The following INPP4B variants were observed in gnomAD, a reference collection of about 807,000 sequenced individuals.
The protein encoded by INPP4B is inositol polyphosphate 4-phosphatase type II.
Under a neutral mutation model 122.5 loss-of-function variants are expected in INPP4B, and 55 were observed. The observed-to-expected ratio is 0.45, with a 90% CI of 0.36 to 0.56. INPP4B has a LOEUF of 0.56. Ranked by LOEUF, INPP4B falls within the 20% of genes least tolerant of loss-of-function variation. The probability of loss-of-function intolerance (pLI) is 0.00; values close to 1 mark genes in which losing one functional copy is unlikely to be tolerated. For synonymous variants in INPP4B, 403 were observed against 388.7 expected (o/e 1.04, Z -0.43); for missense variants, 1,000 against 1,097.7 (o/e 0.91, Z 1.26).
At chr4:142,623,766 T>A (rs551369276) in intron 2 of INPP4B, among the ~76,000 whole-genome samples, 168 of 149,534 alleles carry the variant, frequency 1.1e-3, no homozygotes, top group African/African-American at 4.1e-3. Flanking sequence ...CCCCTTCCTG[T>A]GTCCATGTGT....
chr4:142,842,584 A>G (rs975589886), intron 1 of INPP4B, among the ~76,000 whole-genome samples: 5 of 140,340 alleles, frequency 3.6e-5, no homozygotes, highest in African/African-American at 1.3e-4. Flanking sequence ...TATATAAGAT[A>G]GTTATTGTAT....
At chr4:142,440,628 C>T (rs975077323) in intron 3 of INPP4B, among the ~76,000 whole-genome samples, 1 of 152,118 alleles carries the variant, frequency 6.6e-6, no homozygotes, top group South Asian at 2.1e-4. Flanking sequence ...GCCCTATTAA[C>T]CCCCTGCCCG....
chr4:142,078,500 A>G (rs536805552), intron 25 of INPP4B, among the ~76,000 whole-genome samples: 14 of 152,158 alleles, frequency 9.2e-5, no homozygotes, highest in African/African-American at 3.4e-4. Context: ...AATATATACT[A>G]TGTTCACTGG....
intron 3 of INPP4B, among the ~76,000 whole-genome samples, chr4:142,433,899 A>T (rs1445169615): frequency 1.3e-5 from 2 of 152,206 alleles, no homozygotes; most frequent in African/African-American, 2.4e-5. Context: ...GATTTTTTTT[A>T]AAAAAGGAAA....
chr4:142,559,594 T>C (rs549091670), intron 2 of INPP4B, among the ~76,000 whole-genome samples: 6 of 152,312 alleles, frequency 3.9e-5, no homozygotes, highest in African/African-American at 1.4e-4. Context: ...CAAAATCATA[T>C]GCATAAGTTT....
intron 1 of INPP4B, among the ~76,000 whole-genome samples, chr4:142,807,467 C>T (rs562661906): frequency 2.6e-5 from 4 of 152,252 alleles, no homozygotes; most frequent in African/African-American, 9.6e-5. Context: ...GGGCAATGAT[C>T]AAACTATCAA....
intron 2 of INPP4B, among the ~76,000 whole-genome samples, chr4:142,594,130 T>C (rs960615317): frequency 6.6e-6 from 1 of 152,210 alleles, no homozygotes; most frequent in African/African-American, 2.4e-5. Flanking sequence ...TATTAACAAT[T>C]CCATTTAACT....
chr4:142,761,835 C>A (rs1241605955), intron 1 of INPP4B, among the ~76,000 whole-genome samples: 3 of 152,194 alleles, frequency 2.0e-5, no homozygotes, highest in East Asian at 1.9e-4. Flanking sequence ...ACACTTAAGA[C>A]AAGATAACAT....
chr4:142,207,752 G>A (rs1437293501), intron 14 of INPP4B, among the ~76,000 whole-genome samples: 1 of 152,064 alleles, frequency 6.6e-6, no homozygotes, highest in Non-Finnish European at 1.5e-5. Context: ...TTGCATAATT[G>A]CTATAGCAAT....
intron 7 of INPP4B, among the ~76,000 whole-genome samples, chr4:142,400,190 T>C (rs1374581968): frequency 1.3e-5 from 2 of 152,198 alleles, no homozygotes; most frequent in Non-Finnish European, 2.9e-5. Context: ...TTTCACCGGT[T>C]ATCTCCAAGT....
chr4:142,773,179 C>G (rs1374597789), intron 1 of INPP4B, among the ~76,000 whole-genome samples: 2 of 151,956 alleles, frequency 1.3e-5, no homozygotes, highest in East Asian at 3.9e-4. Flanking sequence ...TGAAAGCATC[C>G]TCCTAGACTA....
At chr4:142,739,383 T>C (rs1338886658) in intron 1 of INPP4B, among the ~76,000 whole-genome samples, 2 of 152,078 alleles carry the variant, frequency 1.3e-5, no homozygotes, top group African/African-American at 2.4e-5. Context: ...AGTAATTGTT[T>C]AGAATTTGTC....
chr4:142,331,625 C>G (rs1774550060), intron 7 of INPP4B, among the ~76,000 whole-genome samples: 1 of 152,166 alleles, frequency 6.6e-6, no homozygotes, highest in South Asian at 2.1e-4. Context: ...AGGTAACAAG[C>G]ACTATCTATT....
intron 2 of INPP4B, among the ~76,000 whole-genome samples, chr4:142,630,671 A>G (rs113983101): frequency 9.1e-4 from 139 of 152,266 alleles, no homozygotes; most frequent in African/African-American, 3.3e-3. Flanking sequence ...ACAGAAGAAG[A>G]GGAAGATAAG....
intron 2 of INPP4B, among the ~76,000 whole-genome samples, chr4:142,472,430 A>C (rs1190703287): frequency 6.6e-6 from 1 of 152,188 alleles, no homozygotes; most frequent in Non-Finnish European, 1.5e-5. Context: ...GAACCCAGTA[A>C]GTACTATCTC....
intron 10 of INPP4B, among the ~76,000 whole-genome samples, chr4:142,268,360 C>G (rs1412017332): frequency 2.4e-4 from 12 of 49,784 alleles, no homozygotes; most frequent in Non-Finnish European, 4.4e-4. Context: ...GGGGTAAGTA[C>G]TGGTGAGGGT....
At chr4:142,082,216 G>C in intron 24 of INPP4B, 31 bp from the exon 25 acceptor site, 1 of 1,478,492 alleles carries the variant, frequency 6.8e-7, no homozygotes, top group East Asian at 2.3e-5. Context: ...AACGTTTCTT[G>C]TTCATTTGTA....
intron 23 of INPP4B, among the ~76,000 whole-genome samples, chr4:142,091,310 C>T (rs554638197): frequency 3.9e-5 from 6 of 152,258 alleles, no homozygotes; most frequent in South Asian, 4.2e-4. Flanking sequence ...GCTGCTTTGA[C>T]GTGTAGTCTT....
In INPP4B at chr4:142,237,744, G is replaced by A; in HGVS notation, c.836+120C>T. The A allele has an allele frequency of 9.5e-6, 5 of 525,400 alleles. No individual in the cohort carries two copies. The South Asian group carries it at 1.9e-4, about 20-fold the overall frequency. 32.5% of individuals were successfully genotyped at this position (525,400 alleles called of 1,614,324 possible). ...GGCAAATGTTAACTGGCTCGGTTTA[G>A]CTATTTCACAATGCATACATATTTC... On this transcript the variant is annotated intron_variant, in intron 12 of 25. Transcript: ENST00000262992.
Sources: allele counts gnomAD v4.1 joint callset (sites outside exome capture counted in the v4.1 genomes callset), GRCh38; gene constraint gnomAD v4.1.1; transcripts MANE v1.5; gene names NCBI Gene and HGNC (gene_info 2026-07-23, HGNC 2026-07-21).